Variants in RHOBTB1 observed in about 807,000 individuals in gnomAD.
RHOBTB1 encodes the protein Rho related BTB domain containing 1.
A neutral mutation model predicts 71.6 loss-of-function variants in RHOBTB1; 40 were observed. The ratio of observed to expected loss-of-function variants is 0.56; its 90% CI spans 0.43 to 0.73. The LOEUF is 0.73. Among genes scored for constraint, RHOBTB1 ranks in the 30% least tolerant of loss-of-function variants. The probability of loss-of-function intolerance (pLI) is 0.00; values close to 1 mark genes in which losing one functional copy is unlikely to be tolerated. For synonymous variants in RHOBTB1, 319 were observed against 334.9 expected (o/e 0.95, Z 0.52); for missense variants, 797 against 894.0 (o/e 0.89, Z 1.38).
chr10:61,001,886 G>C (rs1472991340), upstream of RHOBTB1, among the ~76,000 whole-genome samples: 1 of 152,226 alleles, frequency 6.6e-6, no homozygotes, highest in Non-Finnish European at 1.5e-5. Context: ...GGACTTGCGG[G>C]GGCATCTCCT....
the RHOBTB1 span, among the ~76,000 whole-genome samples, chr10:60,863,341 T>A: frequency 3.4e-3 from 522 of 152,312 alleles, 3 homozygotes; most frequent in African/African-American, 0.012. Context: ...TTTTTTGATC[T>A]TTAAATTGTT....
At chr10:60,923,899 C>A (rs1335327842) in intron 2 of RHOBTB1, among the ~76,000 whole-genome samples, 1 of 152,146 alleles carries the variant, frequency 6.6e-6, no homozygotes, top group Admixed American at 6.5e-5. Flanking sequence ...GTCCATGAAA[C>A]CTCATTTTCT....
chr10:60,984,118 A>G lies in RHOBTB1; in HGVS notation c.-62+1727T>C, dbSNP rs533125501. Reference sequence around the variant, plus strand: ...AGTTTTGCTCCATATTTTTGCTCCAATTGGGTAGGCAAGATCAACCAGTTA... The same window carrying G: ...AGTTTTGCTCCATATTTTTGCTCCAGTTGGGTAGGCAAGATCAACCAGTTA... On this transcript the variant is annotated intron_variant, in intron 2 of 11. Coordinates refer to the RHOBTB1 transcript ENST00000357917. 5.9e-5 allele frequency among the ~76,000 whole-genome samples: 9 copies of G among 152,296 alleles called. No individual in the cohort carries two copies. In the East Asian group the frequency reaches 1.2e-3, roughly 20 times the overall value.
chr10:60,933,897 G>A, intron 2 of RHOBTB1, among the ~76,000 whole-genome samples: 1 of 152,046 alleles, frequency 6.6e-6, no homozygotes, highest in East Asian at 1.9e-4. Flanking sequence ...AAAATTTACA[G>A]AATAACACCA....
intron 5 of RHOBTB1, among the ~76,000 whole-genome samples, chr10:60,892,502 G>A (rs988431151): frequency 2.6e-5 from 4 of 152,132 alleles, no homozygotes; most frequent in Non-Finnish European, 4.4e-5. Context: ...ATTATTATGA[G>A]TAACCAACAT....
intron 1 of RHOBTB1, among the ~76,000 whole-genome samples, chr10:61,000,109 G>A (rs60136105): frequency 6.6e-6 from 1 of 152,198 alleles, no homozygotes; most frequent in African/African-American, 2.4e-5. Flanking sequence ...GACTCAGGAA[G>A]CATTTTACAA....
chr10:60,905,186 C>T (rs2082604449), intron 4 of RHOBTB1, among the ~76,000 whole-genome samples: 1 of 151,220 alleles, frequency 6.6e-6, no homozygotes, highest in Non-Finnish European at 1.5e-5. Context: ...CATGGTAGCT[C>T]ATGCCTGTAA....
intron 4 of RHOBTB1, among the ~76,000 whole-genome samples, chr10:60,904,954 T>C (rs951936266): frequency 5.3e-5 from 8 of 152,168 alleles, no homozygotes; most frequent in African/African-American, 1.9e-4. Context: ...CTTGGTACCA[T>C]ATATTTAAAA....
intron 7 of RHOBTB1, among the ~76,000 whole-genome samples, chr10:60,882,592 C>CA (rs1353266794): frequency 7.3e-6 from 1 of 136,834 alleles, no homozygotes; most frequent in Non-Finnish European, 1.6e-5. Context: ...ATTAATTCTC[C>CA]AAAAAAGGCT....
the RHOBTB1 span, among the ~76,000 whole-genome samples, chr10:60,863,812 C>T: frequency 6.6e-6 from 1 of 152,174 alleles, no homozygotes; most frequent in Non-Finnish European, 1.5e-5. Context: ...GAATCACAGG[C>T]ATGATCCACT....
intron 2 of RHOBTB1, among the ~76,000 whole-genome samples, chr10:60,959,952 A>T (rs2085723015): frequency 6.6e-6 from 1 of 152,222 alleles, no homozygotes; most frequent in Non-Finnish European, 1.5e-5. Flanking sequence ...AGGCAGATGT[A>T]TTAATGTTAA....
chr10:60,906,759 G>T (rs1021705249), intron 4 of RHOBTB1, among the ~76,000 whole-genome samples: 4 of 152,248 alleles, frequency 2.6e-5, no homozygotes, highest in African/African-American at 7.2e-5. Flanking sequence ...GTGTCTGAAG[G>T]TTCTCTGACC....
At chr10:60,947,148 C>T (rs1026300624), upstream of RHOBTB1, among the ~76,000 whole-genome samples, 12 of 152,176 alleles carry the variant, frequency 7.9e-5, no homozygotes, top group African/African-American at 2.2e-4. Flanking sequence ...TATCAAATAA[C>T]GCCTGTAATC....
chr10:60,966,136 G>A (rs1234181809), intron 2 of RHOBTB1, among the ~76,000 whole-genome samples: 1 of 152,002 alleles, frequency 6.6e-6, no homozygotes, highest in African/African-American at 2.4e-5. Context: ...ATAATGTCTT[G>A]AAAAGATTGA....
upstream of RHOBTB1, among the ~76,000 whole-genome samples, chr10:60,945,052 G>A (rs2085166511): frequency 6.6e-6 from 1 of 152,204 alleles, no homozygotes; most frequent in Non-Finnish European, 1.5e-5. Context: ...GACAGAACCA[G>A]GGGTAGTTTT....
At chr10:60,975,019 T>C (rs749977969) in intron 2 of RHOBTB1, among the ~76,000 whole-genome samples, 11 of 152,030 alleles carry the variant, frequency 7.2e-5, no homozygotes, top group Non-Finnish European at 1.6e-4. Flanking sequence ...AATGACCTCA[T>C]TGATAACAAC....
chr10:60,987,081 G>C (rs1331159155), intron 1 of RHOBTB1, among the ~76,000 whole-genome samples: 5 of 152,176 alleles, frequency 3.3e-5, no homozygotes, highest in Non-Finnish European at 2.9e-5. Flanking sequence ...TCGTGGGGCT[G>C]TGCCACAGGG....
intron 2 of RHOBTB1, among the ~76,000 whole-genome samples, chr10:60,958,838 T>G (rs2085683245): frequency 6.6e-6 from 1 of 152,104 alleles, no homozygotes; most frequent in African/African-American, 2.4e-5. Context: ...TCAGCTCAAG[T>G]GATCCTCCTG....
chr10:60,954,540 T>C (rs763396863), intron 2 of RHOBTB1, among the ~76,000 whole-genome samples: 118 of 152,144 alleles, frequency 7.8e-4, no homozygotes, highest in Non-Finnish European at 1.3e-3. Context: ...GGACACCCCA[T>C]TACATTCAAA....
Sources: gnomAD v4.1 joint callset for allele counts (sites outside exome capture counted in the v4.1 genomes callset) on GRCh38, gnomAD v4.1.1 for gene constraint, MANE v1.5 for transcripts, NCBI Gene and HGNC (gene_info 2026-07-23, HGNC 2026-07-21) for gene names.